Variants in ALDH5A1 observed in about 807,000 individuals in gnomAD.
ALDH5A1 encodes the protein aldehyde dehydrogenase 5 family member A1, also known as succinate-semialdehyde dehydrogenase, mitochondrial.
Under a neutral mutation model 54.7 loss-of-function variants are expected in ALDH5A1, and 33 were observed. The observed-to-expected ratio is 0.60, with a 90% CI of 0.46 to 0.81. The LOEUF (loss-of-function observed/expected upper bound fraction) is 0.81. Among genes scored for constraint, ALDH5A1 ranks in the 30% least tolerant of loss-of-function variants. ALDH5A1 has a pLI of 0.00. For missense variants in ALDH5A1, 657 were observed against 711.0 expected (o/e 0.92, Z 0.86); for synonymous variants, 294 against 292.7 (o/e 1.00, Z -0.05).
chr6:24,504,511 G>A (rs1759296015), intron 3 of ALDH5A1, among the ~76,000 whole-genome samples: 1 of 152,170 alleles, frequency 6.6e-6, no homozygotes, highest in South Asian at 2.1e-4. Flanking sequence ...CCTACTATCT[G>A]TGGCTGTTTT....
chr6:24,511,725 C>T, intron 4 of ALDH5A1: 1 of 397,528 alleles, frequency 2.5e-6, no homozygotes, highest in Non-Finnish European at 4.4e-6. Context: ...CCCCTTATTT[C>T]TTGTATCTTT....
rs74807590 is a variant in ALDH5A1, at chr6:24,534,014, G to A, written c.*302G>A. Reference sequence around the variant, plus strand: ...TCAGAGCAGGCACAGCACAAGGCAGGCCCAGCCCCATGGGCCGTCACAAAG... The same window carrying A: ...TCAGAGCAGGCACAGCACAAGGCAGACCCAGCCCCATGGGCCGTCACAAAG... On this transcript the variant is annotated 3_prime_UTR_variant, in exon 10 of 10. Coordinates refer to ENST00000357578, the MANE Select transcript of ALDH5A1 (RefSeq NM_001080.3). 5,038 of 368,170 alleles carry A rather than the reference G, an allele frequency of 0.014. 79 individuals are homozygous for A. The highest frequency in any genetic ancestry group is 0.056 in the African/African-American group (2,661 of 47,854). 22.8% of individuals were successfully genotyped at this position (368,170 alleles called of 1,614,324 possible).
intron 5 of ALDH5A1, among the ~76,000 whole-genome samples, chr6:24,515,589 G>T (rs1581815413): frequency 6.6e-6 from 1 of 152,146 alleles, no homozygotes; most frequent in Non-Finnish European, 1.5e-5. Context: ...AGGCATGGTG[G>T]TGCACACCCG....
chr6:24,500,032 T>C (rs1380355774), intron 1 of ALDH5A1, among the ~76,000 whole-genome samples: 1 of 152,142 alleles, frequency 6.6e-6, no homozygotes. Flanking sequence ...GGTGTTGAAC[T>C]CCTGGCCACA....
chr6:24,532,210 A>C (rs752281397), intron 9 of ALDH5A1, 33 bp downstream of exon 9: 73 of 1,608,154 alleles, frequency 4.5e-5, no homozygotes, highest in Non-Finnish European at 6.2e-5. Flanking sequence ...TACCAGTCAT[A>C]ATCATTTTTC....
rs907112605 is a variant in ALDH5A1, at chr6:24,495,171, C to T, written c.175C>T (p.Leu59=). 6.5e-5 allele frequency: 97 copies of T among 1,494,022 alleles called. No homozygotes were observed. In the African/African-American group the frequency reaches 1.3e-3, roughly 20 times the overall value. The allele number at this position is 1,494,022 out of a possible 1,614,324, so 92.5% of individuals were successfully genotyped here. ...CCTGGCGGGCCTCTCTGCGGCGCTG[C>T]TGCGCACCGACAGCTTCGTGGGCGG... ...GRLAGLSAAL[L]RTDSFVGGRW... Residue 59 remains leucine, a synonymous_variant, in exon 1 of 10, where the codon CTG becomes TTG. Transcript: ENST00000357578.
chr6:24,503,325 C>T lies in ALDH5A1; in HGVS notation c.501C>T (p.Phe167=). The change falls in exon 3 of 10, where the codon TTC becomes TTT. Residue 167 remains phenylalanine, a synonymous_variant. Coordinates refer to ENST00000357578, the MANE Select transcript of ALDH5A1 (RefSeq NM_001080.3). ...ATTCCGCCTTTTTCCTAGAGTGGTT[C>T]TCTGAGGAAGCCCGCCGTGTTTACG... ...ILYSAFFLEW[F]SEEARRVYGD... 1 of 1,614,122 alleles carries T rather than the reference C, an allele frequency of 6.2e-7. No individual in the cohort carries two copies. The highest frequency in any genetic ancestry group is 8.5e-7 in the Non-Finnish European group (1 of 1,180,040).
At chr6:24,500,863 G>A (rs1764806552) in intron 1 of ALDH5A1, among the ~76,000 whole-genome samples, 1 of 151,868 alleles carries the variant, frequency 6.6e-6, no homozygotes, top group South Asian at 2.1e-4. Flanking sequence ...GTTAGCATGA[G>A]CAATATAGTG....
chr6:24,497,738 A>C (rs953785046), intron 1 of ALDH5A1, among the ~76,000 whole-genome samples: 4 of 152,190 alleles, frequency 2.6e-5, no homozygotes, highest in African/African-American at 9.6e-5. Context: ...AGGAGGTCAT[A>C]GGGAGAAGGG....
chr6:24,516,051 CT>C (rs1759563898), intron 5 of ALDH5A1, among the ~76,000 whole-genome samples: 2 of 151,994 alleles, frequency 1.3e-5, no homozygotes, highest in South Asian at 2.1e-4. Context: ...AGGTCTTTTT[CT>C]TTGAGTTTTT....
rs748368954 is a variant in ALDH5A1, at chr6:24,533,549, C to T, written c.1445C>T (p.Ala482Val). Residue 482 changes from alanine (A) to valine (V), a missense_variant, in exon 10 of 10, where the codon GCA becomes GTA. By Grantham distance (64) the Ala-to-Val change is moderately conservative. Transcript: ENST00000357578. ...GACCCAGCCCAGATCTGGAGAGTGG[C>T]AGAGCAGCTGGAAGTGGGCATGGTT... ...SQDPAQIWRV[A>V]EQLEVGMVGV... 1 of 1,614,066 alleles carries T rather than the reference C, an allele frequency of 6.2e-7. No homozygotes were observed. The highest frequency in any genetic ancestry group is 8.5e-7 in the Non-Finnish European group (1 of 1,180,022).
chr6:24,497,705 G>T (rs1764741913), intron 1 of ALDH5A1, among the ~76,000 whole-genome samples: 1 of 152,226 alleles, frequency 6.6e-6, no homozygotes, highest in Non-Finnish European at 1.5e-5. Flanking sequence ...TGTGGACTGA[G>T]CAAAGGGGAA....
At chr6:24,498,252 G>A (rs1764750466) in intron 1 of ALDH5A1, among the ~76,000 whole-genome samples, 1 of 152,200 alleles carries the variant, frequency 6.6e-6, no homozygotes, top group African/African-American at 2.4e-5. Context: ...GCAGTTGGGT[G>A]TATGAGTCTG....
chr6:24,501,917 GTATATATATATGTGTGTGTGTGTA>G (rs1764828323), intron 1 of ALDH5A1, among the ~76,000 whole-genome samples: 6 of 108,394 alleles, frequency 5.5e-5, no homozygotes, highest in East Asian at 2.2e-4. Context: ...GTGTGTGGGT[GTATATATATATGTGTGTGTGTGTA>G]TATATATATG....
chr6:24,520,457 C>T lies in ALDH5A1; in HGVS notation c.927C>T (p.Gly309=). Reference sequence around the variant, plus strand: ...AAAGGGTCTCTATGGAGCTGGGCGGCCTTGCTCCATTTATAGTATTTGACA... The same window carrying T: ...AAAGGGTCTCTATGGAGCTGGGCGGTCTTGCTCCATTTATAGTATTTGACA... ...SVKRVSMELG[G]LAPFIVFDSA... Residue 309 remains glycine, a synonymous_variant, in exon 6 of 10, where the codon GGC becomes GGT. Transcript: ENST00000357578. 1 of 1,614,178 alleles carries T rather than the reference C, an allele frequency of 6.2e-7. No individual in the cohort carries two copies. The highest frequency in any genetic ancestry group is 8.5e-7 in the Non-Finnish European group (1 of 1,180,046).
chr6:24,495,381 C>T (rs1364169324), intron 1 of ALDH5A1, 31 bp downstream of exon 1: 1 of 1,528,400 alleles, frequency 6.5e-7, no homozygotes, highest in Non-Finnish European at 8.7e-7. Flanking sequence ...GGGGCCAGAG[C>T]TGGCCGGGGA....
At chr6:24,500,095 G>A (rs1034899237) in intron 1 of ALDH5A1, among the ~76,000 whole-genome samples, 17 of 152,128 alleles carry the variant, frequency 1.1e-4, no homozygotes, top group Non-Finnish European at 1.6e-4. Flanking sequence ...GGCATGAGCC[G>A]CCACACCTGG....
At chr6:24,522,257 C>T (rs1759698527) in intron 6 of ALDH5A1, among the ~76,000 whole-genome samples, 1 of 152,094 alleles carries the variant, frequency 6.6e-6, no homozygotes, top group South Asian at 2.1e-4. Context: ...CTGCAGTGAA[C>T]TCATCACTAC....
chr6:24,532,498 A>G (rs1359211204), intron 9 of ALDH5A1, among the ~76,000 whole-genome samples: 8 of 152,178 alleles, frequency 5.3e-5, no homozygotes, highest in Non-Finnish European at 1.2e-4. Context: ...CAGAAATTCC[A>G]AATGCTTTTT....
Sources: allele counts gnomAD v4.1 joint callset (sites outside exome capture counted in the v4.1 genomes callset), GRCh38; gene constraint gnomAD v4.1.1; transcripts MANE v1.5; gene names NCBI Gene and HGNC (gene_info 2026-07-23, HGNC 2026-07-21).